The following DMC1 variants were observed in gnomAD, a reference collection of about 807,000 sequenced individuals.
The protein encoded by DMC1 is DNA meiotic recombinase 1, also known as meiotic recombination protein DMC1 homolog.
Under a neutral mutation model 50.1 loss-of-function variants are expected in DMC1, and 27 were observed. The observed-to-expected ratio is 0.54, with a 90% CI of 0.40 to 0.74. The LOEUF (loss-of-function observed/expected upper bound fraction) is 0.74. Among genes scored for constraint, DMC1 ranks in the 30% least tolerant of loss-of-function variants. The pLI is 0.00. For missense variants in DMC1, 295 were observed against 420.2 expected, an observed-to-expected ratio of 0.70 and a Z score of 2.60; for synonymous variants, 148 against 136.1, an observed-to-expected ratio of 1.09 and a Z score of -0.61.
At chr22:38,514,062 C>CT (rs2089959787), downstream of DMC1, among the ~76,000 whole-genome samples, 1 of 152,068 alleles carries the variant, frequency 6.6e-6, no homozygotes. Context: ...GACACCTTGG[C>CT]TTCACCTGTG....
chr22:38,529,164 C>A (rs918586119), intron 12 of DMC1, among the ~76,000 whole-genome samples: 1 of 152,138 alleles, frequency 6.6e-6, no homozygotes, highest in African/African-American at 2.4e-5. Flanking sequence ...GCGTGTGCCA[C>A]CATGCCCTGC....
intron 8 of DMC1, among the ~76,000 whole-genome samples, chr22:38,540,836 T>C (rs1055905678): frequency 6.6e-6 from 1 of 152,178 alleles, no homozygotes; most frequent in African/African-American, 2.4e-5. Flanking sequence ...AAATCCCAGA[T>C]ACTATGTTGT....
At position 38,566,685 on chromosome 22, in the gene DMC1, C is replaced by A. The variant is rs189722264; in HGVS notation, c.148G>T (p.Gly50Cys). 2 of 1,612,720 alleles carry A rather than the reference C, an allele frequency of 1.2e-6. No homozygotes were observed. Among genetic ancestry groups the A allele is most frequent in the African/African-American group, 1.3e-5 (1 of 75,004 alleles). The part of the protein sequence containing the change: ...LKSVGICTIK[G>C]IQMTTRRALC... The stretch of plus-strand genomic sequence containing the variant: ...GCTCTTCTTGTTGTCATCTGTATAC[C>A]TTTGATGGTACAGATTCCTACTGAT... The change falls in exon 4 of 14, where the codon GGT becomes TGT. Residue 50 changes from glycine (G) to cysteine (C), a missense_variant. Gly to Cys is a radical substitution (Grantham distance 159, BLOSUM62 -3). Coordinates refer to ENST00000216024, the MANE Select transcript of DMC1 (RefSeq NM_007068.4).
At chr22:38,552,954 T>TCTCCTGACTCAGC (rs2090428837) in intron 6 of DMC1, among the ~76,000 whole-genome samples, 1 of 151,666 alleles carries the variant, frequency 6.6e-6, no homozygotes, top group Non-Finnish European at 1.5e-5. Flanking sequence ...TTCAAGCGAT[T>TCTCCTGACTCAGC]CTCCTGACTC....
At chr22:38,565,041 C>T (rs916284843) in intron 4 of DMC1, among the ~76,000 whole-genome samples, 5 of 152,212 alleles carry the variant, frequency 3.3e-5, no homozygotes, top group African/African-American at 9.6e-5. Context: ...GAGACCCTCA[C>T]ATACCAATAG....
At position 38,555,836 on chromosome 22, in the gene DMC1, AT is replaced by A. The variant is rs113436661; in HGVS notation, c.327-428del. On this transcript the variant is annotated intron_variant, in intron 5 of 13. Coordinates refer to ENST00000216024, the MANE Select transcript of DMC1 (RefSeq NM_007068.4). ...GATCGTCTTAATTATTATTATTATT[AT>A]TTTTTTTTTTTCGAGATGGAGTCTT... 1.4e-3 allele frequency among the ~76,000 whole-genome samples: 206 copies of A among 146,650 alleles called. 2 individuals carry two copies. Among genetic ancestry groups the A allele is most frequent in the African/African-American group, 3.6e-3 (146 of 40,552 alleles).
intron 12 of DMC1, among the ~76,000 whole-genome samples, chr22:38,523,850 G>A (rs2090057568): frequency 2.0e-5 from 3 of 152,188 alleles, no homozygotes; most frequent in African/African-American, 7.2e-5. Context: ...AAAAAGATTG[G>A]TGTTTTCACA....
intron 12 of DMC1, among the ~76,000 whole-genome samples, chr22:38,537,050 T>A (rs1247612433): frequency 6.6e-6 from 1 of 151,670 alleles, no homozygotes; most frequent in African/African-American, 2.4e-5. Flanking sequence ...CGAGGCTTCA[T>A]CATGTTGGCC....
rs757527528 is a variant in DMC1, at chr22:38,562,286, C to T, written c.326+1G>A. 6.3e-7 allele frequency: 1 copy of T among 1,596,306 alleles called. No individual in the cohort carries two copies. The stretch of plus-strand genomic sequence containing the variant: ...TGATTATAAAAAAGTAAGATACATA[C>T]TCAAATTCCTGGCTCCCGGTGGTGA... On this transcript the variant is annotated splice_donor_variant, in intron 5 of 13. Coordinates refer to ENST00000216024, the MANE Select transcript of DMC1 (RefSeq NM_007068.4). LOFTEE classifies it high-confidence loss of function.
intron 8 of DMC1, among the ~76,000 whole-genome samples, chr22:38,541,649 T>G (rs1239151583): frequency 1.3e-5 from 2 of 152,222 alleles, no homozygotes; most frequent in African/African-American, 4.8e-5. Flanking sequence ...TGAGTTGGTC[T>G]GGTGTTATTT....
At chr22:38,531,396 A>G (rs1014888939) in intron 12 of DMC1, among the ~76,000 whole-genome samples, 10 of 152,106 alleles carry the variant, frequency 6.6e-5, no homozygotes, top group Admixed American at 2.0e-4. Context: ...ATGTGCAATC[A>G]AGTATAATGC....
At chr22:38,560,572 A>G (rs1466646221) in intron 5 of DMC1, among the ~76,000 whole-genome samples, 1 of 152,050 alleles carries the variant, frequency 6.6e-6, no homozygotes, top group African/African-American at 2.4e-5. Context: ...GGTTATTATA[A>G]TAATCCAGGG....
chr22:38,541,202 T>C (rs1488121232), intron 8 of DMC1, among the ~76,000 whole-genome samples: 2 of 152,230 alleles, frequency 1.3e-5, no homozygotes, highest in Non-Finnish European at 2.9e-5. Context: ...TTAGATTAAG[T>C]AAATTTACTG....
In DMC1 at chr22:38,562,343, C is replaced by T. The variant is rs777168581; in HGVS notation, c.270G>A (p.Glu90=). 1 of 1,612,210 alleles carries T rather than the reference C, an allele frequency of 6.2e-7. No individual in the cohort carries two copies. Among genetic ancestry groups the T allele is most frequent in the Non-Finnish European group, 8.5e-7 (1 of 1,178,624 alleles). Residue 90 remains glutamate (E), a synonymous_variant, in exon 5 of 14, where the codon GAG becomes GAA. Coordinates refer to ENST00000216024, the MANE Select transcript of DMC1 (RefSeq NM_007068.4). ...AAACCATTTTCCTCTTTTCACTATACTCAAATGCAGTCAAGAATCCTGGTT... is the reference window on the plus strand; with the variant it reads ...AAACCATTTTCCTCTTTTCACTATATTCAAATGCAGTCAAGAATCCTGGTT... The part of the protein sequence containing the change: ...LIEPGFLTAF[E]YSEKRKMVFH...
intron 13 of DMC1, among the ~76,000 whole-genome samples, chr22:38,520,946 G>C (rs569269267): frequency 2.0e-5 from 3 of 150,320 alleles, no homozygotes; most frequent in African/African-American, 7.4e-5. Context: ...GCGCGATCTC[G>C]GCTAGTCTCA....
chr22:38,552,981 G>A (rs2090429118), intron 6 of DMC1, among the ~76,000 whole-genome samples: 1 of 151,346 alleles, frequency 6.6e-6, no homozygotes, highest in African/African-American at 2.4e-5. Context: ...CTGAGTAGCT[G>A]GGATTACAGG....
intron 12 of DMC1, among the ~76,000 whole-genome samples, chr22:38,535,963 G>A (rs908874836): frequency 3.3e-5 from 5 of 150,650 alleles, no homozygotes; most frequent in Non-Finnish European, 7.4e-5. Context: ...GCTCACACAT[G>A]TAATCCTAGC....
intron 7 of DMC1, among the ~76,000 whole-genome samples, chr22:38,550,563 C>T (rs370575659): frequency 1.3e-5 from 2 of 150,700 alleles, no homozygotes; most frequent in Admixed American, 6.6e-5. Context: ...CTGCCCACCT[C>T]GGCCTCCCAA....
At chr22:38,553,959 A>G (rs1416959281) in intron 6 of DMC1, among the ~76,000 whole-genome samples, 6 of 144,290 alleles carry the variant, frequency 4.2e-5, no homozygotes, top group African/African-American at 1.3e-4. Flanking sequence ...CCATCTCCAA[A>G]AAAAAAAAAA....
Sources: allele counts gnomAD v4.1 joint callset (sites outside exome capture counted in the v4.1 genomes callset), GRCh38; gene constraint gnomAD v4.1.1; transcripts MANE v1.5; gene names NCBI Gene and HGNC (gene_info 2026-07-23, HGNC 2026-07-21).